NPR2: variants seen among roughly 807,000 people sequenced by gnomAD.
The protein encoded by NPR2 is atrial natriuretic peptide receptor 2.
Under a neutral mutation model 120.7 loss-of-function variants are expected in NPR2, and 49 were observed. The observed-to-expected ratio is 0.41, with a 90% CI of 0.32 to 0.52. NPR2 has a LOEUF of 0.52. Ranked by LOEUF, NPR2 falls within the 20% of genes least tolerant of loss-of-function variation. NPR2 has a pLI of 0.36. For synonymous variants in NPR2, 484 were observed against 519.8 expected (o/e 0.93, Z 0.94); for missense variants, 931 against 1,362.9 (o/e 0.68, Z 4.99).
At chr9:35,801,378 T>C (rs1422555840) in intron 7 of NPR2, among the ~76,000 whole-genome samples, 1 of 152,234 alleles carries the variant, frequency 6.6e-6, no homozygotes, top group African/African-American at 2.4e-5. Context: ...TACTAACTAG[T>C]GTTTTTCAGT....
Position 35,802,478 on chromosome 9 carries a change from C to G in NPR2, c.1711-25C>G, listed in dbSNP as rs772739327. ...TTTTTAACTCTTTCAATTTTCTTAT[C>G]CTTCCCATTGTTTTTTTCTGCCAGA... On this transcript the variant is annotated intron_variant, in intron 10 of 21. Coordinates refer to ENST00000342694, the MANE Select transcript of NPR2 (RefSeq NM_003995.4). The surrounding 1 kb of genome is among the most constrained non-coding windows in gnomAD (Gnocchi z 4.2). 3 of 1,377,556 alleles carry G rather than the reference C, an allele frequency of 2.2e-6. No individual in the cohort carries two copies. Among genetic ancestry groups the G allele is most frequent in the Admixed American group, 1.7e-5 (1 of 59,732 alleles). The allele number at this position is 1,377,556 out of a possible 1,614,324, so 85.3% of individuals were successfully genotyped here. A position where few individuals can be genotyped will look rare whatever the true frequency, so the allele number is the denominator to read the frequency against.
rs1182193122 is a variant in NPR2, at chr9:35,802,671, T to C, written c.1816-61T>C. 1 of 1,484,598 alleles carries C rather than the reference T, an allele frequency of 6.7e-7. No homozygotes were observed. Among genetic ancestry groups the C allele is most frequent in the Non-Finnish European group, 9.4e-7 (1 of 1,062,082 alleles). 92.0% of individuals were successfully genotyped at this position (1,484,598 alleles called of 1,614,324 possible). The stretch of plus-strand genomic sequence containing the variant: ...AGGATAGACCCAAAGTTATACTGAC[T>C]CTATGCTGGGTGATAGCTGGTGGGA... On this transcript the variant is annotated intron_variant, in intron 11 of 21. Transcript: ENST00000342694. The surrounding 1 kb of genome is among the most constrained non-coding windows in gnomAD (Gnocchi z 4.2).
chr9:35,807,320 TC>T lies in NPR2; in HGVS notation c.2644-7del. The T allele has an allele frequency of 6.2e-7, 1 of 1,610,992 alleles. No individual in the cohort carries two copies. The highest frequency in any genetic ancestry group is 2.2e-5 in the East Asian group (1 of 44,878). On this transcript the variant is annotated splice_polypyrimidine_tract_variant and intron_variant, in intron 17 of 21. Transcript: ENST00000342694. ...AAGTCTCAGGGCCTCTGCTTTTCTA[TC>T]CCTTTTAGGTAGTGACACTTCTTAA...
chr9:35,798,087 A>G (rs7043647), intron 2 of NPR2, among the ~76,000 whole-genome samples: 9,394 of 152,322 alleles, frequency 0.062, 656 homozygotes, highest in African/African-American at 0.17. Context: ...TTTTAAGAGT[A>G]TAAAGCGATT....
At position 35,809,506 on chromosome 9, in the gene NPR2, A is replaced by C; in HGVS notation, c.*61A>C. ...GCTGGTACCTGGGTGGGCAATGGCC[A>C]CCATGTCTGCACACACCAGAAATGG... is the stretch of plus-strand genomic sequence containing the variant. On this transcript the variant is annotated 3_prime_UTR_variant, in exon 22 of 22. Coordinates refer to ENST00000342694, the MANE Select transcript of NPR2 (RefSeq NM_003995.4). The surrounding 1 kb of genome is among the most constrained non-coding windows in gnomAD (Gnocchi z 4.1). 6.2e-7 allele frequency: 1 copy of C among 1,613,732 alleles called. No homozygotes were observed. Among genetic ancestry groups the C allele is most frequent in the Non-Finnish European group, 8.5e-7 (1 of 1,179,716 alleles).
chr9:35,805,783 G>A lies in NPR2; in HGVS notation c.2048-47G>A. 1 of 1,610,486 alleles carries A rather than the reference G, an allele frequency of 6.2e-7. No homozygotes were observed. Among genetic ancestry groups the A allele is most frequent in the Non-Finnish European group, 8.5e-7 (1 of 1,177,328 alleles). ...TAGGGATGAGCCCAGGTGGGCTTGG[G>A]GGTGCCCCATTTCGGGGGACCTGGC... On this transcript the variant is annotated intron_variant, in intron 13 of 21. Coordinates refer to ENST00000342694, the MANE Select transcript of NPR2 (RefSeq NM_003995.4). The surrounding 1 kb of genome is among the most constrained non-coding windows in gnomAD (Gnocchi z 4.9).
chr9:35,808,725 C>T lies in NPR2; in HGVS notation c.2888-30C>T. 4 of 1,612,194 alleles carry T rather than the reference C, an allele frequency of 2.5e-6. No homozygotes were observed. Among genetic ancestry groups the T allele is most frequent in the Non-Finnish European group, 3.4e-6 (4 of 1,178,162 alleles). The stretch of plus-strand genomic sequence containing the variant: ...CTCCAGCCCTAGTCTCCACCTTTCC[C>T]AGACTCTCCCAACCTGTTTCTTCTC... On this transcript the variant is annotated intron_variant, in intron 19 of 21. Coordinates refer to ENST00000342694, the MANE Select transcript of NPR2 (RefSeq NM_003995.4). This position sits in a 1 kb window ranked among gnomAD's most constrained non-coding sequence, Gnocchi z 4.0.
chr9:35,800,987 T>C lies in NPR2; in HGVS notation c.1352-83T>C. 4 of 1,517,618 alleles carry C rather than the reference T, an allele frequency of 2.6e-6. No homozygotes were observed. The highest frequency in any genetic ancestry group is 3.7e-6 in the Non-Finnish European group (4 of 1,092,084). 94.0% of individuals were successfully genotyped at this position (1,517,618 alleles called of 1,614,324 possible). On this transcript the variant is annotated intron_variant, in intron 6 of 21. Coordinates refer to ENST00000342694, the MANE Select transcript of NPR2 (RefSeq NM_003995.4). This position sits in a 1 kb window ranked among gnomAD's most constrained non-coding sequence, Gnocchi z 4.7. ...CTCATTTCTTCCTACTCCCAAGGAGTCTGTCTATGCACCTATGCACCCCGT... is the reference window on the plus strand; with the variant it reads ...CTCATTTCTTCCTACTCCCAAGGAGCCTGTCTATGCACCTATGCACCCCGT...
Position 35,800,619 on chromosome 9 carries a change from G to C in NPR2, c.1219-90G>C, listed in dbSNP as rs554196927. ...GGCACTGCATCCTGGCTGGGTGGTA[G>C]GCTGGGGAGAAAAGCAGCGAAACAG... is the stretch of plus-strand genomic sequence containing the variant. On this transcript the variant is annotated intron_variant, in intron 5 of 21. Transcript: ENST00000342694. This position sits in a 1 kb window ranked among gnomAD's most constrained non-coding sequence, Gnocchi z 4.7. 6.2e-7 allele frequency: 1 copy of C among 1,607,456 alleles called. No individual in the cohort carries two copies. The highest frequency in any genetic ancestry group is 1.7e-5 in the Admixed American group (1 of 59,996).
rs2132099744 is a variant in NPR2 at position 35,808,407 on chromosome 9, A to G, written c.2713-102A>G. 1 of 1,424,086 alleles carries G rather than the reference A, an allele frequency of 7.0e-7. No individual in the cohort carries two copies. The highest frequency in any genetic ancestry group is 1.4e-5 in the African/African-American group (1 of 71,302). 88.2% of individuals were successfully genotyped at this position (1,424,086 alleles called of 1,614,324 possible). ...TCTAGTCAATATTCTGGTCTCCAGC[A>G]TGTCAGGATGATTAATGATGGTGTC... On this transcript the variant is annotated intron_variant, in intron 18 of 21. Coordinates refer to ENST00000342694, the MANE Select transcript of NPR2 (RefSeq NM_003995.4). The surrounding 1 kb of genome is among the most constrained non-coding windows in gnomAD (Gnocchi z 4.0).
intron 3 of NPR2, 42 bp downstream of exon 3, chr9:35,799,773 G>A (rs757342515): frequency 6.5e-7 from 1 of 1,540,396 alleles, no homozygotes; most frequent in Non-Finnish European, 9.0e-7. Context: ...GTCAAGCTTT[G>A]GGGAAGGGCT....
rs1828535072 is a variant in NPR2, at chr9:35,808,351, T to A, written c.2713-158T>A. On this transcript the variant is annotated intron_variant, in intron 18 of 21. Coordinates refer to ENST00000342694, the MANE Select transcript of NPR2 (RefSeq NM_003995.4). The surrounding 1 kb of genome is among the most constrained non-coding windows in gnomAD (Gnocchi z 4.0). The stretch of plus-strand genomic sequence containing the variant: ...TTAAAGATTCCCTAGACATCTCCTC[T>A]CCCCTAGACTCAGGACCATGGCACT... The A allele has an allele frequency of 6.9e-7, 1 of 1,448,502 alleles. No homozygotes were observed. 89.7% of individuals were successfully genotyped at this position (1,448,502 alleles called of 1,614,324 possible).
rs1202966469 is a variant in NPR2 at position 35,805,621 on chromosome 9, C to T, written c.1998C>T (p.Ala666=). ...FVLKITDYGL[A]SFRSTAEPDD... is the part of the protein sequence containing the mutation. ...TCAAAATCACAGACTATGGCCTGGCCAGCTTCCGATCAACTGCTGAACCTG... is the reference window on the plus strand; with the variant it reads ...TCAAAATCACAGACTATGGCCTGGCTAGCTTCCGATCAACTGCTGAACCTG... The change falls in exon 13 of 22, where the codon GCC becomes GCT. Residue 666 remains alanine (A), a synonymous_variant. Coordinates refer to ENST00000342694, the MANE Select transcript of NPR2 (RefSeq NM_003995.4). This position sits in a 1 kb window ranked among gnomAD's most constrained non-coding sequence, Gnocchi z 4.9. 1 of 1,614,190 alleles carries T rather than the reference C, an allele frequency of 6.2e-7. No homozygotes were observed. The highest frequency in any genetic ancestry group is 1.1e-5 in the South Asian group (1 of 91,084).
chr9:35,802,725 T>C lies in NPR2; in HGVS notation c.1816-7T>C. 1 of 1,606,158 alleles carries C rather than the reference T, an allele frequency of 6.2e-7. No individual in the cohort carries two copies. Among genetic ancestry groups the C allele is most frequent in the South Asian group, 1.1e-5 (1 of 90,920 alleles). The stretch of plus-strand genomic sequence containing the variant: ...GGACAGACAGTCTATTCCATGTCAC[T>C]TACCAGGATATTCTAGAAAATGACA... On this transcript the variant is annotated splice_polypyrimidine_tract_variant and splice_region_variant and intron_variant, in intron 11 of 21. Transcript: ENST00000342694. The surrounding 1 kb of genome is among the most constrained non-coding windows in gnomAD (Gnocchi z 4.2).
rs2132092435 is a variant in NPR2, at chr9:35,806,430, G to A, written c.2411G>A (p.Arg804His). ...GTSILDNLLL[R>H]MEQYANNLEK... ...AGCATATTGGACAACCTCCTGCTGC[G>A]CATGGAACAGTATGCCAATAACTTG... The change falls in exon 16 of 22, where the codon CGC becomes CAC. Residue 804 changes from arginine to histidine, a missense_variant. Arg to His is a conservative substitution (Grantham distance 29). This residue lies in a region of NPR2 where 184 missense variants were observed against 328.3 expected (regional missense o/e 0.56). Coordinates refer to ENST00000342694, the MANE Select transcript of NPR2 (RefSeq NM_003995.4). The surrounding 1 kb of genome is among the most constrained non-coding windows in gnomAD (Gnocchi z 4.6). The A allele has an allele frequency of 6.2e-7, 1 of 1,613,438 alleles. No homozygotes were observed. Among genetic ancestry groups the A allele is most frequent in the Non-Finnish European group, 8.5e-7 (1 of 1,179,390 alleles).
Position 35,802,557 on chromosome 9 carries a change from C to T in NPR2, c.1765C>T (p.Pro589Ser). The stretch of plus-strand genomic sequence containing the variant: ...TCGCTTCATTGGCGCCTGCATAGAC[C>T]CTCCCAACATTTGCATTGTCACTGA... ...LTRFIGACIDPPNICIVTEYC... is the reference protein window; with the variant it reads ...LTRFIGACIDSPNICIVTEYC... The change falls in exon 11 of 22, where the codon CCT becomes TCT. Residue 589 changes from proline (P) to serine (S), a missense_variant. Around this residue, in one of 3 missense-constraint regions of NPR2, gnomAD observed 681 missense variants for 974.3 expected, o/e 0.70. Transcript: ENST00000342694. This position sits in a 1 kb window ranked among gnomAD's most constrained non-coding sequence, Gnocchi z 4.2. The T allele has an allele frequency of 6.2e-7, 1 of 1,609,496 alleles. No homozygotes were observed. Among genetic ancestry groups the T allele is most frequent in the African/African-American group, 1.3e-5 (1 of 74,894 alleles).
rs1379866182 is a variant in NPR2, at chr9:35,794,039, C to T, written c.809C>T (p.Thr270Ile). ...CTCCGTGCAGGCCCCACACGTGCTA[C>T]AGGCCGGCCCTGGCAGGACAATCGC... ...ESLRAGPTRA[T>I]GRPWQDNRTR... The change falls in exon 2 of 22, where the codon ACA (threonine) becomes ATA (isoleucine). Residue 270 changes from threonine (T) to isoleucine (I), a missense_variant. Physicochemically the swap from Thr to Ile is moderately conservative, Grantham distance 89 (BLOSUM62 -1). Around this residue, in one of 3 missense-constraint regions of NPR2, gnomAD observed 681 missense variants for 974.3 expected, o/e 0.70. Coordinates refer to ENST00000342694, the MANE Select transcript of NPR2 (RefSeq NM_003995.4). 3 of 1,614,120 alleles carry T rather than the reference C, an allele frequency of 1.9e-6. No homozygotes were observed. Among genetic ancestry groups the T allele is most frequent in the East Asian group, 2.2e-5 (1 of 44,890 alleles).
intron 12 of NPR2, among the ~76,000 whole-genome samples, chr9:35,804,058 AAAAT>A (rs1424633362): frequency 6.6e-6 from 1 of 152,250 alleles, no homozygotes; most frequent in Non-Finnish European, 1.5e-5. Flanking sequence ...TGTTGATACC[AAAAT>A]AAATAAAAAG....
chr9:35,798,225 A>G (rs1409092033), intron 2 of NPR2, among the ~76,000 whole-genome samples: 1 of 152,188 alleles, frequency 6.6e-6, no homozygotes, highest in Non-Finnish European at 1.5e-5. Context: ...GTTGAACCTG[A>G]TCTTTTCTCG....
Sources: gnomAD v4.1 joint callset for allele counts (sites outside exome capture counted in the v4.1 genomes callset) on GRCh38, gnomAD v4.1.1 for gene constraint, gnomAD v4.1.1 regional missense constraint, Gnocchi (gnomAD v3.1) non-coding constraint, MANE v1.5 for transcripts, NCBI Gene and HGNC (gene_info 2026-07-23, HGNC 2026-07-21) for gene names.